The following CDH12 variants were observed in gnomAD, a reference collection of about 807,000 sequenced individuals.
CDH12 encodes cadherin 12, also known as cadherin-12.
CDH12 carries 41 observed loss-of-function variants against 74.1 expected under a neutral mutation model. The ratio of observed to expected loss-of-function variants is 0.55; its 90% CI spans 0.43 to 0.72. The LOEUF (loss-of-function observed/expected upper bound fraction) is 0.72. Among genes scored for constraint, CDH12 ranks in the 30% least tolerant of loss-of-function variants. CDH12 has a pLI of 0.00. For missense variants in CDH12, 945 were observed against 977.2 expected (o/e 0.97, Z 0.44); for synonymous variants, 399 against 355.0 (o/e 1.12, Z -1.39).
intron 3 of CDH12, among the ~76,000 whole-genome samples, chr5:22,350,807 A>C (rs547244368): frequency 6.6e-6 from 1 of 152,288 alleles, no homozygotes; most frequent in East Asian, 1.9e-4. Flanking sequence ...GTTAAATCTA[A>C]TTTATTATTA....
At chr5:22,239,051 G>C (rs544250764) in intron 3 of CDH12, among the ~76,000 whole-genome samples, 42 of 152,316 alleles carry the variant, frequency 2.8e-4, no homozygotes, top group African/African-American at 9.6e-4. Context: ...TAATAAATAT[G>C]ATGGTTTTGT....
At chr5:22,809,927 G>A (rs1332571373) in intron 1 of CDH12, among the ~76,000 whole-genome samples, 1 of 151,986 alleles carries the variant, frequency 6.6e-6, no homozygotes, top group Non-Finnish European at 1.5e-5. Context: ...ATTAATTCAA[G>A]ATAGTCTAGA....
chr5:22,371,664 A>C (rs1741298325), intron 3 of CDH12, among the ~76,000 whole-genome samples: 1 of 152,214 alleles, frequency 6.6e-6, no homozygotes, highest in African/African-American at 2.4e-5. Context: ...TGTTTTAATA[A>C]GCATCTTGTA....
At chr5:22,222,719 T>C (rs891732125) in intron 3 of CDH12, among the ~76,000 whole-genome samples, 3 of 151,856 alleles carry the variant, frequency 2.0e-5, no homozygotes, top group Non-Finnish European at 4.4e-5. Context: ...AGGACAAACA[T>C]ACTTTCAGTT....
intron 6 of CDH12, among the ~76,000 whole-genome samples, chr5:21,943,924 T>C (rs1216872397): frequency 6.6e-6 from 1 of 152,134 alleles, no homozygotes; most frequent in Admixed American, 6.6e-5. Flanking sequence ...CACATAAATC[T>C]ATCCCTGAAC....
intron 1 of CDH12, among the ~76,000 whole-genome samples, chr5:22,576,770 T>TGA (rs144280779): frequency 2.7e-5 from 4 of 150,792 alleles, no homozygotes; most frequent in East Asian, 2.0e-4. Flanking sequence ...AATTGATAAC[T>TGA]GAGAGAGAGA....
chr5:21,889,063 AAAAT>A (rs1232714844), intron 6 of CDH12, among the ~76,000 whole-genome samples: 1 of 152,136 alleles, frequency 6.6e-6, no homozygotes, highest in African/African-American at 2.4e-5. Flanking sequence ...TCTGATAGGA[AAAAT>A]AATATATTTT....
At chr5:22,206,437 C>T (rs963891562) in intron 4 of CDH12, among the ~76,000 whole-genome samples, 1 of 151,948 alleles carries the variant, frequency 6.6e-6, no homozygotes, top group East Asian at 1.9e-4. Context: ...CTTATATATT[C>T]GTTTTTGTCA....
chr5:22,357,604 T>C (rs935594072), intron 3 of CDH12, among the ~76,000 whole-genome samples: 1 of 152,190 alleles, frequency 6.6e-6, no homozygotes, highest in African/African-American at 2.4e-5. Context: ...CACTTTTGTA[T>C]TAATTTAAGT....
chr5:21,969,608 G>T (rs1435749167), intron 6 of CDH12, among the ~76,000 whole-genome samples: 1 of 151,898 alleles, frequency 6.6e-6, no homozygotes, highest in African/African-American at 2.4e-5. Context: ...TAAGCCTTTA[G>T]ATCAGACCGC....
At chr5:22,382,135 C>T (rs941763198) in intron 3 of CDH12, among the ~76,000 whole-genome samples, 3 of 140,632 alleles carry the variant, frequency 2.1e-5, no homozygotes, top group African/African-American at 5.2e-5. Context: ...ATATTATAAA[C>T]ATGTTTATAT....
chr5:22,354,708 A>G (rs1171594437), intron 3 of CDH12, among the ~76,000 whole-genome samples: 1 of 152,178 alleles, frequency 6.6e-6, no homozygotes, highest in Non-Finnish European at 1.5e-5. Context: ...AATGAATTTC[A>G]TTGGGGAAAA....
At chr5:22,442,647 C>T (rs1053962925) in intron 2 of CDH12, among the ~76,000 whole-genome samples, 79 of 152,104 alleles carry the variant, frequency 5.2e-4, no homozygotes, top group Non-Finnish European at 1.5e-5. Context: ...TGCTAATGCT[C>T]ATGCATGATC....
intron 10 of CDH12, among the ~76,000 whole-genome samples, chr5:21,788,410 G>T (rs1746311480): frequency 6.6e-6 from 1 of 152,118 alleles, no homozygotes; most frequent in Admixed American, 6.5e-5. Flanking sequence ...CAGTTGTTCA[G>T]AATTACTATA....
chr5:22,265,590 T>C (rs1189818998), intron 3 of CDH12, among the ~76,000 whole-genome samples: 1 of 152,170 alleles, frequency 6.6e-6, no homozygotes, highest in African/African-American at 2.4e-5. Flanking sequence ...ATATATTCAT[T>C]GAAGTGTATT....
At chr5:22,444,197 C>G (rs1001003229) in intron 2 of CDH12, among the ~76,000 whole-genome samples, 19 of 151,978 alleles carry the variant, frequency 1.3e-4, no homozygotes, top group Admixed American at 1.2e-3. Flanking sequence ...CACTAAAACA[C>G]AAACATTACA....
intron 3 of CDH12, among the ~76,000 whole-genome samples, chr5:22,218,390 T>C (rs1223744204): frequency 6.6e-6 from 1 of 151,784 alleles, no homozygotes; most frequent in African/African-American, 2.4e-5. Flanking sequence ...AATGGAATAC[T>C]TCTTGGTAAT....
At chr5:21,925,941 TAAAA>T (rs34061040) in intron 6 of CDH12, among the ~76,000 whole-genome samples, 1 of 149,538 alleles carries the variant, frequency 6.7e-6, no homozygotes, top group Non-Finnish European at 1.5e-5. Context: ...ATGCTTTTGA[TAAAA>T]AAAAAAGAAA....
intron 1 of CDH12, among the ~76,000 whole-genome samples, chr5:22,655,212 C>G (rs771136318): frequency 3.3e-5 from 5 of 152,168 alleles, no homozygotes; most frequent in Admixed American, 6.5e-5. Flanking sequence ...ATGCCCTGGA[C>G]TGACTCAATA....
Sources: allele counts gnomAD v4.1 joint callset (sites outside exome capture counted in the v4.1 genomes callset), GRCh38; gene constraint gnomAD v4.1.1; transcripts MANE v1.5; gene names NCBI Gene and HGNC (gene_info 2026-07-23, HGNC 2026-07-21).